The following EYA2 variants were observed in gnomAD, a reference collection of about 807,000 sequenced individuals.
EYA2 encodes the protein protein phosphatase EYA2.
A neutral mutation model predicts 69.2 loss-of-function variants in EYA2; 31 were observed. The observed-to-expected ratio is 0.45, with a 90% CI of 0.34 to 0.60. The LOEUF (loss-of-function observed/expected upper bound fraction) is 0.60. Among genes scored for constraint, EYA2 ranks in the 20% least tolerant of loss-of-function variants. EYA2 has a pLI of 0.02. For synonymous variants in EYA2, 257 were observed against 279.4 expected (o/e 0.92, Z 0.80); for missense variants, 622 against 701.2 (o/e 0.89, Z 1.28).
At chr20:47,064,148 G>A (rs1229044314) in intron 5 of EYA2, among the ~76,000 whole-genome samples, 1 of 152,146 alleles carries the variant, frequency 6.6e-6, no homozygotes, top group Non-Finnish European at 1.5e-5. Flanking sequence ...GTAAAGATGG[G>A]ATTTCAACAT....
At chr20:47,130,261 C>CTATTTTTTTT (rs2033305371) in intron 9 of EYA2, among the ~76,000 whole-genome samples, 1 of 81,260 alleles carries the variant, frequency 1.2e-5, no homozygotes, top group Non-Finnish European at 2.2e-5. Flanking sequence ...GGTTTATTTT[C>CTATTTTTTTT]TTTTTTTTTT....
Position 47,097,505 on chromosome 20 carries a change from C to G in EYA2, c.888+337C>G, listed in dbSNP as rs192663011. Among the ~76,000 whole-genome samples, 5 of 152,184 alleles carry G rather than the reference C, an allele frequency of 3.3e-5. No homozygotes were observed. In the South Asian group the frequency reaches 1.0e-3, roughly 32 times the overall value. ...AAAGCCAGTAATTCTAGCTAGAAAA[C>G]GAGGTAAAGTACTTTTCTTCTTCCC... On this transcript the variant is annotated intron_variant, in intron 9 of 15. Transcript: ENST00000327619.
chr20:47,106,025 C>G (rs1289147114), intron 9 of EYA2, among the ~76,000 whole-genome samples: 2 of 152,182 alleles, frequency 1.3e-5, no homozygotes, highest in Non-Finnish European at 2.9e-5. Flanking sequence ...GGTTTATGAG[C>G]CTTGGCAATG....
At chr20:47,011,096 TA>T (rs1983029993) in intron 4 of EYA2, among the ~76,000 whole-genome samples, 1 of 152,116 alleles carries the variant, frequency 6.6e-6, no homozygotes. Context: ...GCCTGATGTT[TA>T]AAAATAACAT....
intron 9 of EYA2, among the ~76,000 whole-genome samples, chr20:47,102,176 A>G (rs2032441563): frequency 6.6e-6 from 1 of 152,178 alleles, no homozygotes; most frequent in Non-Finnish European, 1.5e-5. Flanking sequence ...AAAACTGGAA[A>G]TTTCTAGTAC....
chr20:46,994,477 AC>A (rs1312689323), intron 2 of EYA2, among the ~76,000 whole-genome samples: 5 of 152,076 alleles, frequency 3.3e-5, no homozygotes, highest in Non-Finnish European at 7.4e-5. Context: ...TGAAACCACC[AC>A]CCTACGCTAC....
intron 13 of EYA2, among the ~76,000 whole-genome samples, chr20:47,180,253 A>T (rs2034513335): frequency 6.6e-6 from 1 of 151,352 alleles, no homozygotes. Flanking sequence ...CTTGTCTCGA[A>T]CTCCTGACCT....
chr20:46,895,651 T>C (rs1297893955), intron 1 of EYA2, among the ~76,000 whole-genome samples: 1 of 152,198 alleles, frequency 6.6e-6, no homozygotes, highest in Non-Finnish European at 1.5e-5. Flanking sequence ...AAGGATTTCG[T>C]TGTAATGGGA....
At chr20:46,972,325 T>G (rs575851062) in intron 1 of EYA2, among the ~76,000 whole-genome samples, 165 of 151,136 alleles carry the variant, frequency 1.1e-3, no homozygotes, top group Middle Eastern at 3.4e-3. Context: ...GTCATTTGGG[T>G]ATTAATTACT....
At chr20:47,077,816 C>T (rs1200309688) in intron 7 of EYA2, among the ~76,000 whole-genome samples, 1 of 152,138 alleles carries the variant, frequency 6.6e-6, no homozygotes, top group Non-Finnish European at 1.5e-5. Flanking sequence ...TGAAGTTTAA[C>T]AAAGTTTTTC....
At chr20:46,998,799 G>T (rs989627976) in intron 2 of EYA2, among the ~76,000 whole-genome samples, 2 of 152,184 alleles carry the variant, frequency 1.3e-5, no homozygotes, top group African/African-American at 4.8e-5. Context: ...GGATGAAAAG[G>T]TTAAATGCGA....
intron 1 of EYA2, among the ~76,000 whole-genome samples, chr20:46,896,410 A>G (rs1472876897): frequency 1.3e-5 from 2 of 152,054 alleles, no homozygotes; most frequent in African/African-American, 4.8e-5. Context: ...CTTACAAAAA[A>G]AAAAAGAGGT....
intron 10 of EYA2, among the ~76,000 whole-genome samples, chr20:47,161,905 G>A (rs3092468): frequency 0.21 from 31,749 of 152,134 alleles, 3,813 homozygotes; most frequent in African/African-American, 0.34. Context: ...AGTTTGCTTG[G>A]GCTGCCATTA....
chr20:47,098,859 GC>G (rs2032340538), intron 9 of EYA2, among the ~76,000 whole-genome samples: 1 of 152,310 alleles, frequency 6.6e-6, no homozygotes, highest in Admixed American at 6.5e-5. Context: ...AGCCTCCAAG[GC>G]TCTTCATGAG....
At chr20:46,928,589 T>A (rs1161356315) in intron 1 of EYA2, among the ~76,000 whole-genome samples, 1 of 152,194 alleles carries the variant, frequency 6.6e-6, no homozygotes, top group Non-Finnish European at 1.5e-5. Context: ...GCCAAGTCTG[T>A]TTGATGCCAG....
chr20:47,126,144 C>G (rs1228622101), intron 9 of EYA2, among the ~76,000 whole-genome samples: 2 of 152,224 alleles, frequency 1.3e-5, no homozygotes, highest in Admixed American at 1.3e-4. Flanking sequence ...CAAATGCAGT[C>G]TGAGTGTTAA....
chr20:46,999,082 T>C (rs1192332084), intron 2 of EYA2, among the ~76,000 whole-genome samples: 3 of 152,158 alleles, frequency 2.0e-5, no homozygotes, highest in African/African-American at 4.8e-5. Context: ...GCCATGGAGA[T>C]TGGCAGAAAA....
rs543340107 is a variant in EYA2, at chr20:47,087,130, C to T, written c.662-2109C>T. On this transcript the variant is annotated intron_variant, in intron 7 of 15. Transcript: ENST00000327619. Reference sequence around the variant, plus strand: ...GGAAAACACCCAGCCATCCTGACAGCGCAAAATCATGTCTTGTCTTATTAT... The same window carrying T: ...GGAAAACACCCAGCCATCCTGACAGTGCAAAATCATGTCTTGTCTTATTAT... Among the ~76,000 whole-genome samples, 11 of 152,268 alleles carry T rather than the reference C, an allele frequency of 7.2e-5. No individual in the cohort carries two copies. In the East Asian group the frequency reaches 1.3e-3, roughly 19 times the overall value.
intron 5 of EYA2, among the ~76,000 whole-genome samples, chr20:47,051,401 A>G (rs938303043): frequency 1.1e-4 from 16 of 152,192 alleles, no homozygotes; most frequent in African/African-American, 3.9e-4. Flanking sequence ...CTATGAATGA[A>G]CCTTCCAGTA....
Sources: allele counts gnomAD v4.1 joint callset (sites outside exome capture counted in the v4.1 genomes callset), GRCh38; gene constraint gnomAD v4.1.1; transcripts MANE v1.5; gene names NCBI Gene and HGNC (gene_info 2026-07-23, HGNC 2026-07-21).